The following PPP1R9A variants were observed in gnomAD, a reference collection of about 807,000 sequenced individuals.
The protein encoded by PPP1R9A is neurabin-1.
In PPP1R9A, 59 loss-of-function variants were observed where a neutral mutation model predicts 141.9. That is an observed-to-expected ratio of 0.42 (90% CI 0.34 to 0.52). PPP1R9A has a LOEUF of 0.52. Among genes scored for constraint, PPP1R9A ranks in the 20% least tolerant of loss-of-function variants. The probability of loss-of-function intolerance (pLI) is 0.10; values close to 1 mark genes in which losing one functional copy is unlikely to be tolerated. For missense variants in PPP1R9A, 1,444 were observed against 1,611.9 expected (o/e 0.90, Z 1.78); for synonymous variants, 500 against 569.7 (o/e 0.88, Z 1.74).
chr7:95,252,586 G>C (rs1474106954), intron 12 of PPP1R9A, among the ~76,000 whole-genome samples: 2 of 149,262 alleles, frequency 1.3e-5, no homozygotes, highest in Non-Finnish European at 3.0e-5. Context: ...TCATGCCTCA[G>C]CCTCCCCAGT....
At chr7:95,067,674 A>G (rs936325179) in intron 2 of PPP1R9A, among the ~76,000 whole-genome samples, 5 of 151,528 alleles carry the variant, frequency 3.3e-5, no homozygotes, top group African/African-American at 7.3e-5. Context: ...ACCAAAATCC[A>G]TGGATGCTCA....
intron 5 of PPP1R9A, among the ~76,000 whole-genome samples, chr7:95,183,764 T>C (rs1363493356): frequency 6.6e-6 from 1 of 152,002 alleles, no homozygotes; most frequent in East Asian, 1.9e-4. Context: ...TTCTTATAAT[T>C]AGTATTGGGT....
intron 2 of PPP1R9A, among the ~76,000 whole-genome samples, chr7:95,103,239 A>G (rs1819021382): frequency 6.6e-6 from 1 of 151,760 alleles, no homozygotes; most frequent in Non-Finnish European, 1.5e-5. Flanking sequence ...AAAAACACAT[A>G]TAAAGATATT....
chr7:94,920,790 G>A (rs927428055), intron 2 of PPP1R9A, among the ~76,000 whole-genome samples: 1 of 152,204 alleles, frequency 6.6e-6, no homozygotes, highest in African/African-American at 2.4e-5. Context: ...AATAAGCAGT[G>A]AGAATCTTGC....
chr7:95,037,989 G>A (rs1808688752), intron 2 of PPP1R9A, among the ~76,000 whole-genome samples: 1 of 150,980 alleles, frequency 6.6e-6, no homozygotes, highest in Admixed American at 6.6e-5. Context: ...GCAAGTGCCT[G>A]TAATCCCAGC....
intron 2 of PPP1R9A, among the ~76,000 whole-genome samples, chr7:95,042,051 A>C (rs1029533468): frequency 2.6e-5 from 4 of 152,132 alleles, no homozygotes; most frequent in Non-Finnish European, 4.4e-5. Flanking sequence ...ATCCATCTCG[A>C]GGCCCTTGGG....
intron 2 of PPP1R9A, among the ~76,000 whole-genome samples, chr7:95,094,433 C>CCTGACCCA (rs1817752034): frequency 6.6e-6 from 1 of 152,194 alleles, no homozygotes; most frequent in Non-Finnish European, 1.5e-5. Context: ...ATCCCGTCTT[C>CCTGACCCA]CAGTGCTGTT....
In PPP1R9A at chr7:95,233,642, G is replaced by C. The variant is rs144759818; in HGVS notation, c.2112+7526G>C. 4.3e-3 allele frequency among the ~76,000 whole-genome samples: 649 copies of C among 152,234 alleles called. 4 individuals are homozygous for C. Among genetic ancestry groups the C allele is most frequent in the African/African-American group, 0.014 (585 of 41,554 alleles). On this transcript the variant is annotated intron_variant, in intron 8 of 19. Coordinates refer to ENST00000433360, the MANE Select transcript of PPP1R9A (RefSeq NM_001166160.2). ...CAATCCTACTGACACTTTTCCAAAA[G>C]ACAGAGAAAGAGGGAATCCTTCCTA...
intron 3 of PPP1R9A, among the ~76,000 whole-genome samples, chr7:95,116,356 A>G (rs536091288): frequency 6.6e-6 from 1 of 152,298 alleles, no homozygotes; most frequent in South Asian, 2.1e-4. Context: ...AATTGATTCA[A>G]TATTAGATTT....
intron 5 of PPP1R9A, among the ~76,000 whole-genome samples, chr7:95,167,351 T>G (rs1483629112): frequency 6.6e-6 from 1 of 152,094 alleles, no homozygotes; most frequent in African/African-American, 2.4e-5. Flanking sequence ...GCGTAACAAT[T>G]GAAGATGAGA....
rs184410558 is a variant in PPP1R9A, at chr7:95,023,253, A to G, written c.1396-88006A>G. On this transcript the variant is annotated intron_variant, in intron 2 of 19. Coordinates refer to ENST00000433360, the MANE Select transcript of PPP1R9A (RefSeq NM_001166160.2). ...TTTATTCATTTCTTCTAGATTTTCT[A>G]GTTTATTTTTGTAGAGTTGTTTATA... 4.3e-3 allele frequency among the ~76,000 whole-genome samples: 650 copies of G among 152,188 alleles called. 4 individuals are homozygous for G. Among genetic ancestry groups the G allele is most frequent in the African/African-American group, 0.015 (634 of 41,528 alleles).
intron 5 of PPP1R9A, among the ~76,000 whole-genome samples, chr7:95,168,395 A>G (rs1464408416): frequency 6.6e-6 from 1 of 152,114 alleles, no homozygotes; most frequent in African/African-American, 2.4e-5. Flanking sequence ...AATCAACTCA[A>G]TATGGATTAA....
chr7:95,117,935 C>T (rs1821807949), intron 3 of PPP1R9A, among the ~76,000 whole-genome samples: 1 of 152,048 alleles, frequency 6.6e-6, no homozygotes, highest in African/African-American at 2.4e-5. Context: ...AACACAAGAG[C>T]AATACACTAA....
chr7:95,125,885 A>G (rs552133707), intron 4 of PPP1R9A, among the ~76,000 whole-genome samples: 1 of 152,162 alleles, frequency 6.6e-6, no homozygotes, highest in Admixed American at 6.5e-5. Context: ...AAAGAGTCCT[A>G]TTCTTTTGCT....
In PPP1R9A at chr7:95,092,746, A is replaced by G. The variant is rs562186225; in HGVS notation, c.1396-18513A>G. Reference sequence around the variant, plus strand: ...AGCATTAACAAATGAAATGCGGCATATAAGTACGAAAGGACTACAGGTGTT... The same window carrying G: ...AGCATTAACAAATGAAATGCGGCATGTAAGTACGAAAGGACTACAGGTGTT... On this transcript the variant is annotated intron_variant, in intron 2 of 19. Transcript: ENST00000433360. Among the ~76,000 whole-genome samples, 16 of 152,348 alleles carry G rather than the reference A, an allele frequency of 1.1e-4. 1 individual carries two copies. In the South Asian group the frequency reaches 2.9e-3, roughly 28 times the overall value.
chr7:95,051,733 C>G (rs1317525594), intron 2 of PPP1R9A, among the ~76,000 whole-genome samples: 1 of 151,938 alleles, frequency 6.6e-6, no homozygotes, highest in East Asian at 1.9e-4. Context: ...TTTAGAAACT[C>G]AATTACAAAA....
At chr7:94,929,945 C>T (rs1793950963) in intron 2 of PPP1R9A, among the ~76,000 whole-genome samples, 1 of 152,124 alleles carries the variant, frequency 6.6e-6, no homozygotes, top group East Asian at 1.9e-4. Flanking sequence ...TTTATTTATC[C>T]ATGTATTTTT....
At chr7:95,187,353 G>A (rs944198012) in intron 5 of PPP1R9A, among the ~76,000 whole-genome samples, 1 of 152,012 alleles carries the variant, frequency 6.6e-6, no homozygotes, top group Non-Finnish European at 1.5e-5. Flanking sequence ...TGTGGTATTG[G>A]TTGCAGTATC....
At chr7:95,034,666 T>A (rs1808198395) in intron 2 of PPP1R9A, among the ~76,000 whole-genome samples, 1 of 152,190 alleles carries the variant, frequency 6.6e-6, no homozygotes, top group Non-Finnish European at 1.5e-5. Context: ...TTTTGTCCTT[T>A]GAACTCTAAA....
Sources: gnomAD v4.1 joint callset for allele counts (sites outside exome capture counted in the v4.1 genomes callset) on GRCh38, gnomAD v4.1.1 for gene constraint, MANE v1.5 for transcripts, NCBI Gene and HGNC (gene_info 2026-07-23, HGNC 2026-07-21) for gene names.